The following FMNL2 variants were observed in gnomAD, a reference collection of about 807,000 sequenced individuals.
FMNL2 encodes the protein formin-like protein 2.
A neutral mutation model predicts 130.2 loss-of-function variants in FMNL2; 51 were observed. That is an observed-to-expected ratio of 0.39 (90% CI 0.31 to 0.49). FMNL2 has a LOEUF of 0.49. Ranked by LOEUF, FMNL2 falls within the 20% of genes least tolerant of loss-of-function variation. The probability of loss-of-function intolerance (pLI) is 0.85; values close to 1 mark genes in which losing one functional copy is unlikely to be tolerated. For synonymous variants in FMNL2, 465 were observed against 467.1 expected, an observed-to-expected ratio of 1.00 and a Z score of 0.06; for missense variants, 977 against 1,316.2, an observed-to-expected ratio of 0.74 and a Z score of 3.99.
intron 1 of FMNL2, among the ~76,000 whole-genome samples, chr2:152,463,713 T>C (rs1381830269): frequency 1.5e-4 from 23 of 152,236 alleles, no homozygotes; most frequent in Admixed American, 1.4e-3. Context: ...CAAAGGTAGC[T>C]TTCAGACCAT....
At chr2:152,342,129 A>C (rs1426791509) in intron 1 of FMNL2, among the ~76,000 whole-genome samples, 1 of 152,206 alleles carries the variant, frequency 6.6e-6, no homozygotes, top group Non-Finnish European at 1.5e-5. Flanking sequence ...ATTTGACTTT[A>C]TAAGAACTGT....
At chr2:152,412,451 TA>T (rs1686353706) in intron 1 of FMNL2, among the ~76,000 whole-genome samples, 6 of 6,028 alleles carry the variant, frequency 1.0e-3, no homozygotes, top group African/African-American at 3.2e-3. Flanking sequence ...ATATTTTATA[TA>T]TATATATATA....
intron 3 of FMNL2, among the ~76,000 whole-genome samples, chr2:152,545,417 T>C (rs1694568726): frequency 1.3e-5 from 2 of 152,206 alleles, no homozygotes; most frequent in African/African-American, 4.8e-5. Flanking sequence ...ATTTGCTTTT[T>C]TTAAAAAAAA....
intron 1 of FMNL2, among the ~76,000 whole-genome samples, chr2:152,342,719 A>G (rs1681881537): frequency 6.6e-6 from 1 of 152,138 alleles, no homozygotes; most frequent in South Asian, 2.1e-4. Flanking sequence ...GCAGTTTCCA[A>G]CTGATAGCAT....
chr2:152,628,391 A>G lies in FMNL2; in HGVS notation c.2258A>G (p.Glu753Gly). Residue 753 changes from glutamate to glycine, a missense_variant, in exon 18 of 26, where the codon GAG becomes GGG. Physicochemically the swap from Glu to Gly is moderately conservative, Grantham distance 98. This residue lies in a region of FMNL2 where 689 missense variants were observed against 995.9 expected (regional missense o/e 0.69). Transcript: ENST00000288670. Reference sequence around the variant, plus strand: ...GAAGTGAAAGTGCTTCGGCTCTACGAGCGGGAAAGGAAGCCTCTGGAAAAC... The same window carrying G: ...GAAGTGAAAGTGCTTCGGCTCTACGGGCGGGAAAGGAAGCCTCTGGAAAAC... ...ENEVKVLRLY[E>G]RERKPLENLS... 6.2e-7 allele frequency: 1 copy of G among 1,614,042 alleles called. No homozygotes were observed. The highest frequency in any genetic ancestry group is 8.5e-7 in the Non-Finnish European group (1 of 1,179,894).
At chr2:152,415,639 T>A (rs1255309897) in intron 1 of FMNL2, among the ~76,000 whole-genome samples, 1 of 149,042 alleles carries the variant, frequency 6.7e-6, no homozygotes, top group African/African-American at 2.5e-5. Flanking sequence ...GAGAATTTTT[T>A]CCCCCCTCTG....
At chr2:152,372,074 CAT>C (rs1249472167) in intron 1 of FMNL2, among the ~76,000 whole-genome samples, 1 of 152,164 alleles carries the variant, frequency 6.6e-6, no homozygotes, top group African/African-American at 2.4e-5. Flanking sequence ...TTTAAGCTCA[CAT>C]GTCGGGTGTA....
At chr2:152,627,836 A>G (rs1351843002) in intron 17 of FMNL2, among the ~76,000 whole-genome samples, 1 of 152,222 alleles carries the variant, frequency 6.6e-6, no homozygotes, top group Admixed American at 6.5e-5. Flanking sequence ...CTACCAGACT[A>G]TTGGTTTAAT....
At chr2:152,647,000 C>T (rs570354145) in intron 25 of FMNL2, among the ~76,000 whole-genome samples, 1 of 152,266 alleles carries the variant, frequency 6.6e-6, no homozygotes, top group Non-Finnish European at 1.5e-5. Context: ...CAGTGATTGA[C>T]TCATTCATTT....
At chr2:152,604,020 T>G (rs1163560716) in intron 9 of FMNL2, among the ~76,000 whole-genome samples, 2 of 151,082 alleles carry the variant, frequency 1.3e-5, no homozygotes, top group East Asian at 4.1e-4. Context: ...ATTCAGTATG[T>G]CTCAATATAG....
At chr2:152,396,776 C>T (rs1685418529) in intron 1 of FMNL2, among the ~76,000 whole-genome samples, 1 of 152,154 alleles carries the variant, frequency 6.6e-6, no homozygotes, top group African/African-American at 2.4e-5. Context: ...GTCTTAAATT[C>T]ATGCTCATGT....
chr2:152,620,567 A>T (rs1025309511), intron 15 of FMNL2, among the ~76,000 whole-genome samples: 1 of 152,152 alleles, frequency 6.6e-6, no homozygotes, highest in Non-Finnish European at 1.5e-5. Flanking sequence ...CATTTACTTC[A>T]GCCTGTTCAT....
At chr2:152,481,856 A>C (rs984828205) in intron 1 of FMNL2, among the ~76,000 whole-genome samples, 4 of 152,206 alleles carry the variant, frequency 2.6e-5, no homozygotes, top group African/African-American at 4.8e-5. Flanking sequence ...AATTAGTTGC[A>C]TAAATAAAAC....
intron 1 of FMNL2, among the ~76,000 whole-genome samples, chr2:152,506,609 G>A (rs1016768893): frequency 2.0e-5 from 3 of 152,090 alleles, no homozygotes; most frequent in African/African-American, 2.4e-5. Context: ...ACTGTGCTGC[G>A]GGAAAGTAGT....
chr2:152,366,281 A>C (rs6718773), intron 1 of FMNL2, among the ~76,000 whole-genome samples: 14,272 of 104,688 alleles, frequency 0.14, 2,046 homozygotes, highest in African/African-American at 0.38. Context: ...CACACCGGGG[A>C]CTGTTGTGGG....
chr2:152,513,312 G>A (rs1048635658), intron 1 of FMNL2, among the ~76,000 whole-genome samples: 1 of 152,102 alleles, frequency 6.6e-6, no homozygotes, highest in Non-Finnish European at 1.5e-5. Flanking sequence ...TGTGTGGTGA[G>A]GACTTAAGAT....
At chr2:152,635,706 T>TG (rs1371182163) in intron 21 of FMNL2, among the ~76,000 whole-genome samples, 1 of 152,082 alleles carries the variant, frequency 6.6e-6, no homozygotes, top group Non-Finnish European at 1.5e-5. Flanking sequence ...CAGGAGGCTG[T>TG]GGGGGAGTGC....
chr2:152,621,591 A>G (rs996950943), intron 15 of FMNL2, among the ~76,000 whole-genome samples: 5 of 152,182 alleles, frequency 3.3e-5, no homozygotes, highest in African/African-American at 9.7e-5. Flanking sequence ...CTTTATTTCC[A>G]TAAGTGTCCA....
intron 1 of FMNL2, among the ~76,000 whole-genome samples, chr2:152,398,296 A>G (rs1243970963): frequency 6.6e-6 from 1 of 152,220 alleles, no homozygotes; most frequent in Non-Finnish European, 1.5e-5. Context: ...CAGATTTTTT[A>G]TATGATGAGT....
Sources: gnomAD v4.1 joint callset for allele counts (sites outside exome capture counted in the v4.1 genomes callset) on GRCh38, gnomAD v4.1.1 for gene constraint, gnomAD v4.1.1 regional missense constraint, MANE v1.5 for transcripts, NCBI Gene and HGNC (gene_info 2026-07-23, HGNC 2026-07-21) for gene names.